Variants in RBM47 observed in about 807,000 individuals in gnomAD.
The protein encoded by RBM47 is RNA-binding protein 47.
RBM47 carries 21 observed loss-of-function variants against 47.1 expected under a neutral mutation model. The observed-to-expected ratio is 0.45, with a 90% CI of 0.32 to 0.64. The LOEUF (loss-of-function observed/expected upper bound fraction) is 0.64. Among genes scored for constraint, RBM47 ranks in the 30% least tolerant of loss-of-function variants. RBM47 has a pLI of 0.05. For synonymous variants in RBM47, 375 were observed against 361.7 expected, an observed-to-expected ratio of 1.04 and a Z score of -0.42; for missense variants, 708 against 870.9, an observed-to-expected ratio of 0.81 and a Z score of 2.35.
intron 1 of RBM47, among the ~76,000 whole-genome samples, chr4:40,613,696 C>T (rs1736437483): frequency 1.3e-5 from 2 of 151,874 alleles, no homozygotes; most frequent in Non-Finnish European, 1.5e-5. Context: ...GTGACTCATG[C>T]TTGTAATCCC....
intron 2 of RBM47, among the ~76,000 whole-genome samples, chr4:40,499,260 A>G (rs1723039526): frequency 6.6e-6 from 1 of 152,240 alleles, no homozygotes; most frequent in South Asian, 2.1e-4. Context: ...TCAGAGGGCT[A>G]GTCAAAGTTC....
chr4:40,605,053 G>A (rs531791560), intron 1 of RBM47, among the ~76,000 whole-genome samples: 80 of 151,446 alleles, frequency 5.3e-4, no homozygotes, highest in Admixed American at 3.4e-3. Flanking sequence ...AAGGAGTTTC[G>A]CTCTTGTTGC....
intron 1 of RBM47, among the ~76,000 whole-genome samples, chr4:40,611,133 T>C (rs994557147): frequency 1.3e-5 from 2 of 152,226 alleles, no homozygotes; most frequent in Non-Finnish European, 2.9e-5. Flanking sequence ...ATTCCTATCA[T>C]AGCATCTAGA....
intron 1 of RBM47, among the ~76,000 whole-genome samples, chr4:40,563,455 T>C (rs940247258): frequency 1.3e-5 from 2 of 152,198 alleles, no homozygotes; most frequent in African/African-American, 4.8e-5. Flanking sequence ...GGATGACCCA[T>C]GGCCCGCATT....
intron 4 of RBM47, among the ~76,000 whole-genome samples, chr4:40,437,091 A>AAAAAAAAAAAAAATATATC (rs1712635010): frequency 3.1e-5 from 1 of 32,502 alleles, no homozygotes. Flanking sequence ...AAAAAAAAAA[A>AAAAAAAAAAAAAATATATC]TATATATATA....
chr4:40,517,140 CCTT>C (rs1169769810), intron 2 of RBM47, among the ~76,000 whole-genome samples: 2 of 141,562 alleles, frequency 1.4e-5, no homozygotes, highest in African/African-American at 2.5e-5. Flanking sequence ...TTCCTTCCTT[CCTT>C]CTTTCTTTTT....
intron 2 of RBM47, among the ~76,000 whole-genome samples, chr4:40,511,973 A>C (rs1282673966): frequency 1.3e-5 from 2 of 151,930 alleles, no homozygotes; most frequent in African/African-American, 4.8e-5. Context: ...AAAACTAAAC[A>C]AAAAGATTGT....
intron 1 of RBM47, among the ~76,000 whole-genome samples, chr4:40,600,180 A>ATTT (rs3077519): frequency 6.2e-5 from 9 of 144,982 alleles, no homozygotes; most frequent in African/African-American, 2.0e-4. Flanking sequence ...TTTTTTATGA[A>ATTT]TTTTTTTTTT....
At chr4:40,535,017 G>C (rs1221767257) in intron 2 of RBM47, among the ~76,000 whole-genome samples, 7 of 151,730 alleles carry the variant, frequency 4.6e-5, no homozygotes, top group Non-Finnish European at 1.0e-4. Context: ...TGAACTGTAT[G>C]ACCTTGTGTG....
At chr4:40,530,893 A>T (rs1183127255) in intron 2 of RBM47, among the ~76,000 whole-genome samples, 1 of 152,122 alleles carries the variant, frequency 6.6e-6, no homozygotes, top group East Asian at 1.9e-4. Context: ...GGAGCCCAGG[A>T]GTTGGGGACC....
At chr4:40,612,269 C>G (rs1374443356) in intron 1 of RBM47, among the ~76,000 whole-genome samples, 1 of 152,152 alleles carries the variant, frequency 6.6e-6, no homozygotes, top group Non-Finnish European at 1.5e-5. Flanking sequence ...CAGTGGCTCA[C>G]GCCTGTAATC....
chr4:40,453,785 G>C (rs1226797938), intron 3 of RBM47, among the ~76,000 whole-genome samples: 1 of 152,048 alleles, frequency 6.6e-6, no homozygotes, highest in Non-Finnish European at 1.5e-5. Flanking sequence ...CCTCCCTACA[G>C]GGAAGGAGAT....
chr4:40,513,939 G>A (rs1337639948), intron 2 of RBM47, among the ~76,000 whole-genome samples: 3 of 151,878 alleles, frequency 2.0e-5, no homozygotes, highest in African/African-American at 4.8e-5. Flanking sequence ...GGCTCGTCTC[G>A]AACTCCTGAC....
chr4:40,446,738 CAAAAAA>C (rs34186378), intron 3 of RBM47, among the ~76,000 whole-genome samples: 7 of 76,306 alleles, frequency 9.2e-5, no homozygotes, highest in Non-Finnish European at 1.4e-4. Context: ...GACCCAGTCT[CAAAAAA>C]AAAAAAAAAA....
intron 1 of RBM47, among the ~76,000 whole-genome samples, chr4:40,627,709 T>A (rs1355665877): frequency 6.6e-6 from 1 of 152,202 alleles, no homozygotes; most frequent in Non-Finnish European, 1.5e-5. Context: ...AAATGAGTAG[T>A]CTTTAACACT....
chr4:40,525,592 G>A (rs764329820), intron 2 of RBM47, among the ~76,000 whole-genome samples: 26 of 152,190 alleles, frequency 1.7e-4, no homozygotes, highest in Non-Finnish European at 2.6e-4. Context: ...AGCCAGGGGC[G>A]AAAGAACTTC....
chr4:40,484,933 G>A (rs1720876018), intron 2 of RBM47, among the ~76,000 whole-genome samples: 1 of 152,208 alleles, frequency 6.6e-6, no homozygotes, highest in African/African-American at 2.4e-5. Flanking sequence ...TGCCTAAACA[G>A]CAATGCTTCT....
intron 3 of RBM47, among the ~76,000 whole-genome samples, chr4:40,450,587 C>A (rs1292547774): frequency 6.6e-6 from 1 of 151,762 alleles, no homozygotes; most frequent in African/African-American, 2.4e-5. Context: ...GGGTGACACA[C>A]AAGACTCTGT....
rs936346295 is a variant in RBM47, at chr4:40,423,817, ACT to A, written c.*2085_*2086del. 3 of 152,276 alleles carry A rather than the reference ACT, an allele frequency of 2.0e-5. No individual in the cohort carries two copies. Among genetic ancestry groups the A allele is most frequent in the Admixed American group, 6.6e-5 (1 of 15,208 alleles). 9.4% of individuals were successfully genotyped at this position (152,276 alleles called of 1,614,324 possible). A position where few individuals can be genotyped will look rare whatever the true frequency, so the allele number is the denominator to read the frequency against. ...CTGGGTCATAGTTTCATCCAGTGAAACTCTGTGACAATCCTTCACTAGAAGGA... is the reference window on the plus strand; with the variant it reads ...CTGGGTCATAGTTTCATCCAGTGAAACTGTGACAATCCTTCACTAGAAGGA... On this transcript the variant is annotated 3_prime_UTR_variant, in exon 7 of 7. Transcript: ENST00000295971.
Sources: allele counts gnomAD v4.1 joint callset (sites outside exome capture counted in the v4.1 genomes callset), GRCh38; gene constraint gnomAD v4.1.1; transcripts MANE v1.5; gene names NCBI Gene and HGNC (gene_info 2026-07-23, HGNC 2026-07-21).